FGGY: variants seen among roughly 807,000 people sequenced by gnomAD.
FGGY encodes FGGY carbohydrate kinase domain-containing protein.
In FGGY, 72 loss-of-function variants were observed where a neutral mutation model predicts 71.3. That is an observed-to-expected ratio of 1.01 (90% CI 0.84 to 1.23). The LOEUF (loss-of-function observed/expected upper bound fraction) is 1.23, where lower values mean the gene tolerates loss of function less well. FGGY is among the 50% of genes most tolerant of loss of function. FGGY has a pLI of 0.00. For synonymous variants in FGGY, 251 were observed against 250.3 expected, an observed-to-expected ratio of 1.00 and a Z score of -0.02; for missense variants, 668 against 682.3, an observed-to-expected ratio of 0.98 and a Z score of 0.23.
intron 5 of FGGY, among the ~76,000 whole-genome samples, chr1:59,427,284 C>T (rs1212214330): frequency 6.6e-6 from 1 of 152,142 alleles, no homozygotes. Flanking sequence ...TGCCTCCCTC[C>T]CCACAAAAAT....
chr1:59,413,180 G>A (rs759652212), intron 5 of FGGY, among the ~76,000 whole-genome samples: 1 of 152,178 alleles, frequency 6.6e-6, no homozygotes, highest in Non-Finnish European at 1.5e-5. Flanking sequence ...TCTGTTGTTG[G>A]TGTGCTGTGC....
chr1:59,648,959 C>T (rs1465524473), intron 11 of FGGY, among the ~76,000 whole-genome samples: 6 of 151,322 alleles, frequency 4.0e-5, no homozygotes, highest in East Asian at 3.9e-4. Context: ...GTTTCAGCTT[C>T]CTACATATGG....
intron 15 of FGGY, among the ~76,000 whole-genome samples, chr1:59,758,361 A>G (rs887072317): frequency 1.3e-5 from 2 of 152,260 alleles, no homozygotes; most frequent in East Asian, 3.8e-4. Context: ...AAGGCTAAAA[A>G]ATGACATTGG....
chr1:59,754,096 GC>G (rs1230712131), intron 14 of FGGY, among the ~76,000 whole-genome samples: 2 of 152,148 alleles, frequency 1.3e-5, no homozygotes, highest in Non-Finnish European at 2.9e-5. Context: ...CAACATATTA[GC>G]TTTTTTCTTG....
At chr1:59,449,189 T>C (rs1437534046) in intron 5 of FGGY, among the ~76,000 whole-genome samples, 1 of 152,264 alleles carries the variant, frequency 6.6e-6, no homozygotes, top group Non-Finnish European at 1.5e-5. Flanking sequence ...CAATATGTAA[T>C]GTACCTGTTT....
chr1:59,300,850 C>T (rs1005398207), intron 1 of FGGY, among the ~76,000 whole-genome samples: 4 of 152,118 alleles, frequency 2.6e-5, no homozygotes, highest in Admixed American at 6.5e-5. Flanking sequence ...TATTTTAATG[C>T]GAACACCACA....
chr1:59,591,249 A>C (rs145419477), intron 8 of FGGY, among the ~76,000 whole-genome samples: 26,822 of 152,090 alleles, frequency 0.18, 2,855 homozygotes, highest in South Asian at 0.35. Flanking sequence ...GAAGGACCTC[A>C]TCAAGGAGAA....
chr1:59,739,378 C>T (rs761224993), intron 14 of FGGY, among the ~76,000 whole-genome samples: 39 of 152,324 alleles, frequency 2.6e-4, no homozygotes, highest in Non-Finnish European at 2.8e-4. Flanking sequence ...AACACAGCCT[C>T]ACCTCACCTA....
intron 14 of FGGY, among the ~76,000 whole-genome samples, 156 bp from the exon 15 acceptor site, chr1:59,757,775 A>G (rs2098305576): frequency 6.6e-6 from 1 of 152,172 alleles, no homozygotes; most frequent in African/African-American, 2.4e-5. Context: ...TTTGTGTTTT[A>G]TTCTTATTAC....
chr1:59,703,084 T>C (rs896640527), intron 14 of FGGY, among the ~76,000 whole-genome samples: 36 of 152,202 alleles, frequency 2.4e-4, no homozygotes, highest in African/African-American at 8.7e-4. Flanking sequence ...CAGAGGGTTA[T>C]TCGTAAAAAT....
Position 59,667,413 on chromosome 1 carries a change from G to A in FGGY, c.1417+10G>A, listed in dbSNP as rs941897056. ...CATGCGGACATTACTGGTAAGTCTG[G>A]GAAAGAGGAGAGAAGGTCACTTTTT... On this transcript the variant is annotated intron_variant, in intron 13 of 15. Transcript: ENST00000303721. 6.2e-7 allele frequency: 1 copy of A among 1,613,284 alleles called. No homozygotes were observed. Among genetic ancestry groups the A allele is most frequent in the Middle Eastern group, 1.7e-4 (1 of 6,056 alleles).
In FGGY at chr1:59,708,114, G is replaced by A. The variant is rs185758841; in HGVS notation, c.1512+33981G>A. On this transcript the variant is annotated intron_variant, in intron 14 of 15. Coordinates refer to ENST00000303721, the MANE Select transcript of FGGY (RefSeq NM_018291.5). Reference sequence around the variant, plus strand: ...CTTAGTCTAAAACATGTCTGACTCTGCCCTTGTGAATGCAGCCAATACAGG... The same window carrying A: ...CTTAGTCTAAAACATGTCTGACTCTACCCTTGTGAATGCAGCCAATACAGG... Among the ~76,000 whole-genome samples the A allele has an allele frequency of 2.4e-3, 367 of 152,276 alleles. 2 individuals carry two copies. Among genetic ancestry groups the A allele is most frequent in the Non-Finnish European group, 4.2e-3 (284 of 68,022 alleles).
At chr1:59,459,951 C>T (rs1431362561) in intron 6 of FGGY, among the ~76,000 whole-genome samples, 1 of 152,140 alleles carries the variant, frequency 6.6e-6, no homozygotes, top group Admixed American at 6.6e-5. Context: ...TAGATCATTC[C>T]TTTATTTGGG....
intron 9 of FGGY, among the ~76,000 whole-genome samples, chr1:59,608,449 G>C (rs2096644574): frequency 6.6e-6 from 1 of 151,910 alleles, no homozygotes; most frequent in South Asian, 2.1e-4. Context: ...AATTTTACTT[G>C]TCCTTTAAGA....
At chr1:59,708,093 G>A (rs2097768844) in intron 14 of FGGY, among the ~76,000 whole-genome samples, 1 of 152,146 alleles carries the variant, frequency 6.6e-6, no homozygotes, top group Non-Finnish European at 1.5e-5. Context: ...CTGTTTCTTA[G>A]TCTAAAACAT....
intron 1 of FGGY, among the ~76,000 whole-genome samples, chr1:59,319,972 G>A (rs1158359686): frequency 6.6e-6 from 1 of 152,188 alleles, no homozygotes; most frequent in Admixed American, 6.5e-5. Context: ...TGAAGAAAAG[G>A]TATCACTGTT....
intron 14 of FGGY, among the ~76,000 whole-genome samples, chr1:59,711,775 G>A (rs2097795981): frequency 6.6e-6 from 1 of 152,142 alleles, no homozygotes; most frequent in African/African-American, 2.4e-5. Flanking sequence ...AAGAGCACAG[G>A]AAAGACCCAC....
chr1:59,608,939 G>C (rs1199740001), intron 9 of FGGY, among the ~76,000 whole-genome samples: 2 of 152,206 alleles, frequency 1.3e-5, no homozygotes, highest in African/African-American at 4.8e-5. Flanking sequence ...TATTAAGGCT[G>C]TCCAATAGGG....
chr1:59,468,475 C>A (rs750099518), intron 6 of FGGY, among the ~76,000 whole-genome samples: 50 of 152,110 alleles, frequency 3.3e-4, no homozygotes, highest in Non-Finnish European at 6.2e-4. Flanking sequence ...AAGAATTAAT[C>A]TTAGAAAGGT....
Sources: gnomAD v4.1 joint callset for allele counts (sites outside exome capture counted in the v4.1 genomes callset) on GRCh38, gnomAD v4.1.1 for gene constraint, MANE v1.5 for transcripts, NCBI Gene and HGNC (gene_info 2026-07-23, HGNC 2026-07-21) for gene names.